The following GPR89B variants were observed in gnomAD, a reference collection of about 807,000 sequenced individuals.
GPR89B encodes the protein golgi pH regulator B, also known as G protein-coupled receptor 89B.
In GPR89B, 25 loss-of-function variants were observed where a neutral mutation model predicts 52.4. That is an observed-to-expected ratio of 0.48 (90% CI 0.35 to 0.67). The LOEUF (loss-of-function observed/expected upper bound fraction) is 0.67. Ranked by LOEUF, GPR89B falls within the 30% of genes least tolerant of loss-of-function variation. The pLI is 0.01. For missense variants in GPR89B, 146 were observed against 450.2 expected (o/e 0.32, Z 6.11); for synonymous variants, 52 against 151.2 (o/e 0.34, Z 4.81).
At chr1:147,959,162 A>T (rs1395986620) in intron 7 of GPR89B, among the ~76,000 whole-genome samples, 5 of 152,126 alleles carry the variant, frequency 3.3e-5, no homozygotes, top group Non-Finnish European at 2.9e-5. Flanking sequence ...TGTACAAAAA[A>T]GTTAATGGTT....
rs1654042837 is a variant in GPR89B, at chr1:147,935,908, T to G, written c.43-719T>G. ...CCCCACCACCCCCAGCTAATTTTTA[T>G]GTGTGTGTGTTTTTTGTAGAGACGG... On this transcript the variant is annotated intron_variant, in intron 1 of 13. Coordinates refer to ENST00000314163, the MANE Select transcript of GPR89B (RefSeq NM_016334.5). Among the ~76,000 whole-genome samples, 6 of 152,168 alleles carry G rather than the reference T, an allele frequency of 3.9e-5. No homozygotes were observed. The South Asian group carries it at 1.2e-3, about 32-fold the overall frequency.
At chr1:148,013,151 G>A in the GPR89B span, among the ~76,000 whole-genome samples, 3 of 152,032 alleles carry the variant, frequency 2.0e-5, no homozygotes, top group Non-Finnish European at 4.4e-5. Flanking sequence ...AACTTGGGGC[G>A]GGCGTGAGAG....
intron 7 of GPR89B, among the ~76,000 whole-genome samples, chr1:147,963,758 A>G (rs2149071270): frequency 6.6e-6 from 1 of 152,252 alleles, no homozygotes; most frequent in South Asian, 2.1e-4. Context: ...GTAGAATGGT[A>G]CAGTCCCTCT....
chr1:147,935,283 G>T (rs1426532131), intron 1 of GPR89B, among the ~76,000 whole-genome samples: 1 of 151,944 alleles, frequency 6.6e-6, no homozygotes, highest in African/African-American at 2.4e-5. Flanking sequence ...AGTTCCAGGG[G>T]GCTGAACACA....
chr1:147,969,905 T>C lies in GPR89B; in HGVS notation c.855T>C (p.Tyr285=), dbSNP rs1430179773. The part of the protein sequence containing the change: ...IEYSKTFKGK[Y]FNFLGYFFSI... Reference sequence around the variant, plus strand: ...ACTCCAAAACCTTCAAGGGGAAATATTTTAATTTTCTTGGTTACTTTTTCT... The same window carrying C: ...ACTCCAAAACCTTCAAGGGGAAATACTTTAATTTTCTTGGTTACTTTTTCT... The change falls in exon 10 of 14, where the codon TAT becomes TAC. Residue 285 remains tyrosine, a synonymous_variant. Coordinates refer to ENST00000314163, the MANE Select transcript of GPR89B (RefSeq NM_016334.5). 1.9e-4 allele frequency: 284 copies of C among 1,497,272 alleles called. 1 individual carries two copies. The African/African-American group carries it at 3.5e-3, about 19-fold the overall frequency. The allele number at this position is 1,497,272 out of a possible 1,614,324, so 92.7% of individuals were successfully genotyped here. A position where few individuals can be genotyped will look rare whatever the true frequency, so the allele number is the denominator to read the frequency against.
intron 5 of GPR89B, among the ~76,000 whole-genome samples, chr1:147,950,498 C>A (rs1204522861): frequency 2.0e-5 from 3 of 151,300 alleles, no homozygotes; most frequent in Non-Finnish European, 2.9e-5. Context: ...GATGGGCGGC[C>A]AGGCAGAGAC....
the GPR89B span, chr1:148,005,488 G>A: frequency 1.7e-4 from 273 of 1,605,192 alleles, 9 homozygotes; most frequent in Non-Finnish European, 2.2e-4. Context: ...TGTAATATCA[G>A]TCATGTATAC....
At chr1:147,999,309 C>CT in the GPR89B span, among the ~76,000 whole-genome samples, 1 of 151,538 alleles carries the variant, frequency 6.6e-6, no homozygotes, top group African/African-American at 2.4e-5. Flanking sequence ...CATAGGACAC[C>CT]TTAAAAAAAA....
intron 5 of GPR89B, among the ~76,000 whole-genome samples, chr1:147,950,560 A>C (rs1336058506): frequency 7.2e-5 from 11 of 152,168 alleles, no homozygotes; most frequent in South Asian, 4.1e-4. Flanking sequence ...CAATCTTGGC[A>C]CTTTGGGAGG....
At chr1:147,930,800 A>ATT (rs1227823049) in intron 1 of GPR89B, among the ~76,000 whole-genome samples, 1 of 151,988 alleles carries the variant, frequency 6.6e-6, no homozygotes, top group East Asian at 1.9e-4. Context: ...TGTGGCTCCA[A>ATT]TTTATTCTTT....
chr1:147,943,612 A>G, intron 4 of GPR89B, 68 bp downstream of exon 4: 1 of 1,547,200 alleles, frequency 6.5e-7, no homozygotes, highest in Admixed American at 2.0e-5. Flanking sequence ...TAAATTGTGG[A>G]TAGCTTCATT....
Position 147,943,537 on chromosome 1 carries a change from C to T in GPR89B, c.306C>T (p.Ile102=). 6.2e-7 allele frequency: 1 copy of T among 1,613,208 alleles called. No homozygotes were observed. The highest frequency in any genetic ancestry group is 8.5e-7 in the Non-Finnish European group (1 of 1,179,468). The change falls in exon 4 of 14, where the codon ATC becomes ATT. Residue 102 remains isoleucine (I), a synonymous_variant. Transcript: ENST00000314163. ...FYIGYFIVSN[I]RLLHKQRLLF... Reference sequence around the variant, plus strand: ...TTGGCTATTTTATTGTGAGCAATATCCGACTACGTAAGTATTTTACCCTCT... The same window carrying T: ...TTGGCTATTTTATTGTGAGCAATATTCGACTACGTAAGTATTTTACCCTCT...
chr1:147,930,911 C>T (rs1321327728), intron 1 of GPR89B, among the ~76,000 whole-genome samples: 1 of 152,124 alleles, frequency 6.6e-6, no homozygotes, highest in Non-Finnish European at 1.5e-5. Context: ...TTCCTCATAT[C>T]CCTCCCCTTT....
At chr1:148,023,858 T>G in the GPR89B span, among the ~76,000 whole-genome samples, 2 of 150,824 alleles carry the variant, frequency 1.3e-5, no homozygotes, top group South Asian at 2.1e-4. Context: ...GATTCACAGT[T>G]TGTGAACATT....
the GPR89B span, among the ~76,000 whole-genome samples, chr1:148,018,951 C>T: frequency 1.3e-5 from 2 of 151,322 alleles, no homozygotes; most frequent in Admixed American, 1.3e-4. Flanking sequence ...CAGGCATGAG[C>T]CACTGCACCC....
intron 11 of GPR89B, among the ~76,000 whole-genome samples, chr1:147,987,761 A>G (rs1277013867): frequency 6.6e-6 from 1 of 151,818 alleles, no homozygotes; most frequent in Non-Finnish European, 1.5e-5. Context: ...ACTGAATCAA[A>G]CACAGGGTCC....
chr1:147,958,739 C>G (rs1371460688), intron 7 of GPR89B, among the ~76,000 whole-genome samples: 2 of 151,918 alleles, frequency 1.3e-5, no homozygotes, highest in East Asian at 3.9e-4. Flanking sequence ...CTGATCTGTA[C>G]ATACTATAGC....
the GPR89B span, chr1:148,010,549 C>T: frequency 6.6e-6 from 1 of 152,446 alleles, no homozygotes; most frequent in South Asian, 2.1e-4. Context: ...AGAGAAGCTC[C>T]ATCATCCCAC....
chr1:147,960,225 T>C (rs1656430580), intron 7 of GPR89B, among the ~76,000 whole-genome samples: 1 of 151,620 alleles, frequency 6.6e-6, no homozygotes, highest in Non-Finnish European at 1.5e-5. Flanking sequence ...GATTCCAAAG[T>C]CACTACAACA....
Sources: gnomAD v4.1 joint callset for allele counts (sites outside exome capture counted in the v4.1 genomes callset) on GRCh38, gnomAD v4.1.1 for gene constraint, MANE v1.5 for transcripts, NCBI Gene and HGNC (gene_info 2026-07-23, HGNC 2026-07-21) for gene names.